Variants in ULK4 observed in about 807,000 individuals in gnomAD.
The protein encoded by ULK4 is inactive serine/threonine-protein kinase ULK4.
ULK4 carries 133 observed loss-of-function variants against 160.6 expected under a neutral mutation model. That is an observed-to-expected ratio of 0.83 (90% CI 0.72 to 0.96). ULK4 has a LOEUF of 0.96. Among genes scored for constraint, ULK4 ranks in the 40% least tolerant of loss-of-function variants. The pLI, the probability that ULK4 is intolerant of heterozygous loss-of-function variation, is 0.00. For synonymous variants in ULK4, 534 were observed against 539.8 expected (o/e 0.99, Z 0.15); for missense variants, 1,580 against 1,499.5 (o/e 1.05, Z -0.89).
In ULK4 at chr3:41,807,203, T is replaced by TA. The variant is rs527310227; in HGVS notation, c.1849-6911dup. On this transcript the variant is annotated intron_variant, in intron 19 of 36. Coordinates refer to ENST00000301831, the MANE Select transcript of ULK4 (RefSeq NM_017886.4). Reference sequence around the variant, plus strand: ...TATATATATGATACCTTAATTAAAATAAAAAATACATTAAAGATTACATAA... The same window carrying TA: ...TATATATATGATACCTTAATTAAAATAAAAAAATACATTAAAGATTACATAA... Among the ~76,000 whole-genome samples, 5 of 151,990 alleles carry TA rather than the reference T, an allele frequency of 3.3e-5. No individual in the cohort carries two copies. The South Asian group carries it at 8.3e-4, about 25-fold the overall frequency.
chr3:41,477,963 C>T (rs2084196766), intron 32 of ULK4, among the ~76,000 whole-genome samples: 1 of 152,242 alleles, frequency 6.6e-6, no homozygotes, highest in Admixed American at 6.5e-5. Flanking sequence ...GGCATAAGTG[C>T]TAATACAAGA....
At chr3:41,836,040 A>G in intron 17 of ULK4, 69 bp from the exon 18 acceptor site, 1 of 1,080,880 alleles carries the variant, frequency 9.3e-7, no homozygotes, top group Non-Finnish European at 1.4e-6. Context: ...CCTATATGTA[A>G]AAAGCAGGAT....
intron 30 of ULK4, among the ~76,000 whole-genome samples, chr3:41,652,425 T>C (rs2034778570): frequency 6.6e-6 from 1 of 152,298 alleles, no homozygotes; most frequent in South Asian, 2.1e-4. Context: ...TCAGTGCTTA[T>C]GTAAAGACCT....
Position 41,774,153 on chromosome 3 carries a change from T to C in ULK4, c.2193+15508A>G, listed in dbSNP as rs970612985. 9.3e-4 allele frequency among the ~76,000 whole-genome samples: 142 copies of C among 152,208 alleles called. 1 individual carries two copies. The highest frequency in any genetic ancestry group is 1.7e-3 in the Non-Finnish European group (113 of 68,020). On this transcript the variant is annotated intron_variant, in intron 21 of 36. Coordinates refer to ENST00000301831, the MANE Select transcript of ULK4 (RefSeq NM_017886.4). ...AACCTAGGCATTACCATTCAGGACA[T>C]AGGCATGGGCAAGGACTTCATGTCT...
At chr3:41,703,842 A>ATG (rs1430900676) in intron 27 of ULK4, among the ~76,000 whole-genome samples, 1 of 141,430 alleles carries the variant, frequency 7.1e-6, no homozygotes, top group Non-Finnish European at 1.6e-5. Flanking sequence ...ATGCACACAC[A>ATG]CACACACACA....
chr3:41,303,436 T>C (rs2079838009), intron 35 of ULK4, among the ~76,000 whole-genome samples: 1 of 152,220 alleles, frequency 6.6e-6, no homozygotes, highest in African/African-American at 2.4e-5. Context: ...ACTGCAGAAA[T>C]GTACCACTGC....
chr3:41,605,349 C>G (rs940314608), intron 31 of ULK4, among the ~76,000 whole-genome samples: 2 of 151,780 alleles, frequency 1.3e-5, no homozygotes, highest in South Asian at 4.1e-4. Context: ...CCAACTACAT[C>G]TATCTTCAAG....
intron 22 of ULK4, among the ~76,000 whole-genome samples, chr3:41,722,771 T>C (rs369064557): frequency 3.9e-5 from 6 of 152,218 alleles, no homozygotes; most frequent in Non-Finnish European, 7.3e-5. Flanking sequence ...TTTAAGGAAA[T>C]AGTTTTGTCT....
Position 41,286,599 on chromosome 3 carries a change from C to A in ULK4, c.3679-37025G>T, listed in dbSNP as rs142066186. Among the ~76,000 whole-genome samples the A allele has an allele frequency of 6.4e-3, 975 of 152,198 alleles. 5 individuals are homozygous for A. Among genetic ancestry groups the A allele is most frequent in the Non-Finnish European group, 0.01 (691 of 68,006 alleles). ...AAAGAAGAGCTTCTCCAGGGCCCCG[C>A]CAGCACCCTAAACTGCAGGCACAGA... On this transcript the variant is annotated intron_variant, in intron 35 of 36. Transcript: ENST00000301831.
intron 2 of ULK4, among the ~76,000 whole-genome samples, chr3:41,954,159 AGAGT>A (rs1405612405): frequency 6.8e-6 from 1 of 146,198 alleles, no homozygotes; most frequent in Non-Finnish European, 1.5e-5. Context: ...CCTGGGCGAC[AGAGT>A]GAGACTCCGT....
intron 19 of ULK4, among the ~76,000 whole-genome samples, chr3:41,802,890 G>C (rs1196001307): frequency 6.6e-6 from 1 of 152,164 alleles, no homozygotes; most frequent in Non-Finnish European, 1.5e-5. Flanking sequence ...GTATAGGCTG[G>C]GCGCAGTGGC....
intron 31 of ULK4, among the ~76,000 whole-genome samples, chr3:41,607,117 T>A (rs2032419858): frequency 6.6e-6 from 1 of 152,116 alleles, no homozygotes; most frequent in African/African-American, 2.4e-5. Flanking sequence ...CATTTTGAGT[T>A]AATTTTTGGA....
intron 35 of ULK4, among the ~76,000 whole-genome samples, chr3:41,308,474 G>A (rs1559517113): frequency 6.6e-6 from 1 of 151,788 alleles, no homozygotes; most frequent in Non-Finnish European, 1.5e-5. Context: ...ATAGAAGAAG[G>A]AATCAGAAAA....
At chr3:41,469,919 TAA>T (rs1393540592) in intron 32 of ULK4, among the ~76,000 whole-genome samples, 2 of 139,468 alleles carry the variant, frequency 1.4e-5, no homozygotes, top group Non-Finnish European at 3.1e-5. Context: ...AATAAATAAA[TAA>T]GTAAATAAAT....
intron 35 of ULK4, among the ~76,000 whole-genome samples, chr3:41,285,675 A>C (rs546551906): frequency 6.6e-6 from 1 of 152,332 alleles, no homozygotes; most frequent in East Asian, 1.9e-4. Flanking sequence ...AAACTGTCAC[A>C]AGTCACCACA....
At chr3:41,940,869 A>T (rs988852754) in intron 2 of ULK4, among the ~76,000 whole-genome samples, 5 of 152,192 alleles carry the variant, frequency 3.3e-5, no homozygotes, top group African/African-American at 1.2e-4. Context: ...AAGATGCAAA[A>T]GCCTATCTGT....
At chr3:41,331,091 T>A (rs1372280403) in intron 35 of ULK4, among the ~76,000 whole-genome samples, 1 of 152,196 alleles carries the variant, frequency 6.6e-6, no homozygotes, top group Non-Finnish European at 1.5e-5. Flanking sequence ...AGTAGCCACT[T>A]GGGTGAAAGA....
chr3:41,741,302 A>C (rs1035768669), intron 22 of ULK4, among the ~76,000 whole-genome samples: 2 of 151,978 alleles, frequency 1.3e-5, no homozygotes, highest in Non-Finnish European at 2.9e-5. Flanking sequence ...TTGTATACAA[A>C]TACATGCAAA....
At chr3:41,849,014 C>T (rs2042140258) in intron 17 of ULK4, among the ~76,000 whole-genome samples, 1 of 152,148 alleles carries the variant, frequency 6.6e-6, no homozygotes, top group Admixed American at 6.5e-5. Flanking sequence ...TACTCTCTTC[C>T]TCTGCCTCAG....
Sources: gnomAD v4.1 joint callset for allele counts (sites outside exome capture counted in the v4.1 genomes callset) on GRCh38, gnomAD v4.1.1 for gene constraint, MANE v1.5 for transcripts, NCBI Gene and HGNC (gene_info 2026-07-23, HGNC 2026-07-21) for gene names.